Variants in RUNX1 observed in about 807,000 individuals in gnomAD.
The protein encoded by RUNX1 is runt-related transcription factor 1.
A neutral mutation model predicts 42.8 loss-of-function variants in RUNX1; 19 were observed. The observed-to-expected ratio is 0.44, with a 90% confidence interval of 0.31 to 0.65. The LOEUF is 0.65. Ranked by LOEUF, RUNX1 falls within the 30% of genes least tolerant of loss-of-function variation. RUNX1 has a pLI of 0.07. For synonymous variants in RUNX1, 271 were observed against 289.4 expected, an observed-to-expected ratio of 0.94 and a Z score of 0.64; for missense variants, 528 against 672.0, an observed-to-expected ratio of 0.79 and a Z score of 2.37.
intron 2 of RUNX1, among the ~76,000 whole-genome samples, chr21:34,931,769 G>T (rs1465709999): frequency 6.6e-6 from 1 of 151,648 alleles, no homozygotes; most frequent in Non-Finnish European, 1.5e-5. Flanking sequence ...GGGAAGATGT[G>T]GCTGGCTATC....
chr21:34,852,432 C>T (rs1043132090), intron 6 of RUNX1, among the ~76,000 whole-genome samples: 1 of 152,158 alleles, frequency 6.6e-6, no homozygotes, highest in Non-Finnish European at 1.5e-5. Flanking sequence ...TAAAATTCTT[C>T]TTCTTGGACT....
rs2057263550 is a variant in RUNX1, at chr21:34,843,051, C to CA, written c.614-8451dup. The stretch of plus-strand genomic sequence containing the variant: ...TGCCAGTGCACTCCAGCCTGAGCGA[C>CA]AGAGCGAGACTCTGTCTCAAAAAAC... On this transcript the variant is annotated intron_variant, in intron 6 of 8. Coordinates refer to ENST00000675419, the MANE Select transcript of RUNX1 (RefSeq NM_001754.5). This position sits in a 1 kb window ranked among gnomAD's most constrained non-coding sequence, Gnocchi z 4.8. Among the ~76,000 whole-genome samples, 1 of 152,120 alleles carries CA rather than the reference C, an allele frequency of 6.6e-6. No homozygotes were observed. The highest frequency in any genetic ancestry group is 1.5e-5 in the Non-Finnish European group (1 of 68,012).
At chr21:34,858,695 T>G (rs912046516) in intron 6 of RUNX1, among the ~76,000 whole-genome samples, 18 of 152,310 alleles carry the variant, frequency 1.2e-4, no homozygotes, top group African/African-American at 3.8e-4. Flanking sequence ...GACATCTGGA[T>G]GCTGGGCGGG....
intron 2 of RUNX1, among the ~76,000 whole-genome samples, chr21:34,990,398 C>A (rs542329711): frequency 6.6e-6 from 1 of 152,130 alleles, no homozygotes; most frequent in African/African-American, 2.4e-5. Context: ...CAGAGCTGCA[C>A]GTGTGCCGCT....
At chr21:35,048,415 G>A (rs2059416165) in intron 2 of RUNX1, among the ~76,000 whole-genome samples, 1 of 152,232 alleles carries the variant, frequency 6.6e-6, no homozygotes, top group African/African-American at 2.4e-5. Context: ...GCATGTGCCT[G>A]CTAAGCCCCA....
intron 2 of RUNX1, among the ~76,000 whole-genome samples, chr21:34,972,814 T>C (rs1020961091): frequency 6.6e-6 from 1 of 152,136 alleles, no homozygotes; most frequent in Non-Finnish European, 1.5e-5. Context: ...AATAATCCCA[T>C]TGTCCAGTTG....
chr21:34,954,477 G>A (rs1278338193), intron 2 of RUNX1, among the ~76,000 whole-genome samples: 1 of 152,146 alleles, frequency 6.6e-6, no homozygotes, highest in Non-Finnish European at 1.5e-5. Flanking sequence ...AACGATGCTA[G>A]GGAACTTCAG....
At chr21:34,856,552 C>G (rs2057497420) in intron 6 of RUNX1, 1 of 446,904 alleles carries the variant, frequency 2.2e-6, no homozygotes, top group Non-Finnish European at 4.4e-6. Context: ...AAGTAGACAT[C>G]AGGAACTCCT....
intron 2 of RUNX1, among the ~76,000 whole-genome samples, chr21:34,918,317 C>T (rs1015437064): frequency 2.0e-5 from 3 of 151,932 alleles, no homozygotes; most frequent in African/African-American, 7.3e-5. Flanking sequence ...GGAGACTTCT[C>T]AACATAGGTT....
At chr21:34,861,616 C>T (rs765031219) in intron 5 of RUNX1, among the ~76,000 whole-genome samples, 85 of 152,154 alleles carry the variant, frequency 5.6e-4, no homozygotes, top group African/African-American at 1.9e-3. Flanking sequence ...CCCTCTCCTC[C>T]GCATACCTGA....
intron 6 of RUNX1, 22 bp downstream of exon 6, chr21:34,859,452 A>G (rs2146233877): frequency 6.6e-7 from 1 of 1,524,794 alleles, no homozygotes; most frequent in Non-Finnish European, 9.1e-7. Flanking sequence ...AGGGTGTACC[A>G]GCCCCAAGTG....
intron 2 of RUNX1, among the ~76,000 whole-genome samples, chr21:35,047,149 CT>C (rs1457187894): frequency 1.3e-5 from 2 of 152,174 alleles, no homozygotes; most frequent in Admixed American, 1.3e-4. Flanking sequence ...CTGAATCTGC[CT>C]TCCTGAGTTG....
intron 4 of RUNX1, among the ~76,000 whole-genome samples, chr21:34,881,363 T>C (rs1203908166): frequency 6.6e-6 from 1 of 152,220 alleles, no homozygotes; most frequent in Non-Finnish European, 1.5e-5. Context: ...AAACTGTCCC[T>C]CTACAGTTCA....
rs1555912714 is a variant in RUNX1, at chr21:34,989,014, C to CT, written c.58+59827dup. 5.5e-3 allele frequency among the ~76,000 whole-genome samples: 807 copies of CT among 145,866 alleles called. 6 individuals are homozygous for CT. The highest frequency in any genetic ancestry group is 0.012 in the African/African-American group (474 of 38,606). ...CCCAGATCTCTCTCTCTCTCTCTCTCTTTTTTTTTTTTTAGATGGAGTTTC... is the reference window on the plus strand; with the variant it reads ...CCCAGATCTCTCTCTCTCTCTCTCTCTTTTTTTTTTTTTTAGATGGAGTTTC... On this transcript the variant is annotated intron_variant, in intron 2 of 8. Coordinates refer to ENST00000675419, the MANE Select transcript of RUNX1 (RefSeq NM_001754.5).
chr21:34,991,171 C>T (rs2058934669), intron 2 of RUNX1, among the ~76,000 whole-genome samples: 1 of 152,212 alleles, frequency 6.6e-6, no homozygotes, highest in African/African-American at 2.4e-5. Context: ...CCTTGCCTGC[C>T]TCTCTTGCTA....
At chr21:34,849,443 AC>A (rs2057383335) in intron 6 of RUNX1, among the ~76,000 whole-genome samples, 2 of 66,158 alleles carry the variant, frequency 3.0e-5, no homozygotes, top group African/African-American at 1.2e-4. Context: ...TTATATATAT[AC>A]TATATATTAT....
Position 35,010,623 on chromosome 21 carries a change from A to ACGCG in RUNX1, c.58+38218_58+38219insCGCG, listed in dbSNP as rs201407332. Among the ~76,000 whole-genome samples the ACGCG allele has an allele frequency of 2.6e-4, 39 of 147,548 alleles. 1 individual carries two copies. Among genetic ancestry groups the ACGCG allele is most frequent in the African/African-American group, 9.0e-4 (35 of 39,082 alleles). On this transcript the variant is annotated intron_variant, in intron 2 of 8. Transcript: ENST00000675419. ...GTCACACTACCGTGAGTACACACAC[A>ACGCG]CGCACACACACACACACACACACAC... is the stretch of plus-strand genomic sequence containing the variant.
rs1285223729 is a variant in RUNX1, at chr21:35,010,649, A to ACACT, written c.58+38189_58+38192dup. On this transcript the variant is annotated intron_variant, in intron 2 of 8. Transcript: ENST00000675419. ...CGCACACACACACACACACACACAC[A>ACACT]CACTCATTCACAAAGTCCTACACAG... Among the ~76,000 whole-genome samples the ACACT allele has an allele frequency of 3.3e-5, 5 of 151,622 alleles. 1 individual carries two copies. In the Admixed American group the frequency reaches 3.3e-4, roughly 10 times the overall value.
chr21:35,018,566 G>C (rs2059176108), intron 2 of RUNX1, among the ~76,000 whole-genome samples: 1 of 152,184 alleles, frequency 6.6e-6, no homozygotes, highest in South Asian at 2.1e-4. Flanking sequence ...TCTTTCCTCT[G>C]TAGGCCCAAG....
Sources: gnomAD v4.1 joint callset for allele counts (sites outside exome capture counted in the v4.1 genomes callset) on GRCh38, gnomAD v4.1.1 for gene constraint, Gnocchi (gnomAD v3.1) non-coding constraint, MANE v1.5 for transcripts, NCBI Gene and HGNC (gene_info 2026-07-23, HGNC 2026-07-21) for gene names.